LPAR3: variants seen among roughly 807,000 people sequenced by gnomAD.
The protein encoded by LPAR3 is lysophosphatidic acid receptor 3.
Under a neutral mutation model 17.8 loss-of-function variants are expected in LPAR3, and 7 were observed. The ratio of observed to expected loss-of-function variants is 0.39; its 90% confidence interval spans 0.22 to 0.74. The LOEUF (loss-of-function observed/expected upper bound fraction) is 0.74. Ranked by LOEUF, LPAR3 falls within the 30% of genes least tolerant of loss-of-function variation. LPAR3 has a pLI of 0.40. For missense variants in LPAR3, 391 were observed against 453.4 expected (o/e 0.86, Z 1.25); for synonymous variants, 179 against 179.9 (o/e 0.99, Z 0.04).
At chr1:84,836,739 C>T (rs1325607052) in intron 2 of LPAR3, among the ~76,000 whole-genome samples, 1 of 152,132 alleles carries the variant, frequency 6.6e-6, no homozygotes, top group Admixed American at 6.5e-5. Flanking sequence ...TTATTTCTGT[C>T]CTTTCTACTT....
At chr1:84,832,808 T>A (rs910644673) in intron 2 of LPAR3, among the ~76,000 whole-genome samples, 1 of 152,076 alleles carries the variant, frequency 6.6e-6, no homozygotes, top group Non-Finnish European at 1.5e-5. Context: ...AACAGAAGAG[T>A]GTGAGGCTCT....
chr1:84,888,801 A>G (rs1156581794), intron 1 of LPAR3, among the ~76,000 whole-genome samples: 1 of 152,196 alleles, frequency 6.6e-6, no homozygotes, highest in Non-Finnish European at 1.5e-5. Flanking sequence ...CAATCTGCAC[A>G]TGGGTGAGTC....
chr1:84,855,742 A>C (rs1390483103), intron 2 of LPAR3, among the ~76,000 whole-genome samples: 3 of 152,156 alleles, frequency 2.0e-5, no homozygotes, highest in African/African-American at 7.2e-5. Context: ...AAGAACACTG[A>C]TTTGGGAAAA....
intron 1 of LPAR3, among the ~76,000 whole-genome samples, chr1:84,887,724 C>G (rs1193795963): frequency 6.6e-6 from 1 of 152,112 alleles, no homozygotes; most frequent in Non-Finnish European, 1.5e-5. Context: ...CTGAAGGATT[C>G]CTGCCAAGAA....
rs1339688879 is a variant in LPAR3, at chr1:84,883,837, G to A, written c.-19+9179C>T. Among the ~76,000 whole-genome samples, 7 of 151,824 alleles carry A rather than the reference G, an allele frequency of 4.6e-5. No individual in the cohort carries two copies. The East Asian group carries it at 1.2e-3, about 25-fold the overall frequency. On this transcript the variant is annotated intron_variant, in intron 1 of 2. Transcript: ENST00000370611. ...ATTTGTTCTCCATAATGACATTAATGCCTTTTGCAAACATTTACTGAATCT... is the reference window on the plus strand; with the variant it reads ...ATTTGTTCTCCATAATGACATTAATACCTTTTGCAAACATTTACTGAATCT...
intron 2 of LPAR3, among the ~76,000 whole-genome samples, chr1:84,831,337 T>C (rs1329725908): frequency 1.3e-5 from 2 of 152,174 alleles, no homozygotes; most frequent in Non-Finnish European, 2.9e-5. Context: ...CACACCGTAG[T>C]CCTAGCTACT....
intron 2 of LPAR3, among the ~76,000 whole-genome samples, chr1:84,856,431 A>G (rs1159507987): frequency 6.6e-6 from 1 of 152,228 alleles, no homozygotes; most frequent in Non-Finnish European, 1.5e-5. Flanking sequence ...TTTGATTACT[A>G]AGGCATGCAG....
chr1:84,837,884 A>T (rs1659435125), intron 2 of LPAR3, among the ~76,000 whole-genome samples: 1 of 152,232 alleles, frequency 6.6e-6, no homozygotes, highest in Non-Finnish European at 1.5e-5. Context: ...TGGAGCTAGA[A>T]GAAAAATGAT....
intron 2 of LPAR3, among the ~76,000 whole-genome samples, chr1:84,862,099 G>C (rs907463409): frequency 2.0e-5 from 3 of 152,152 alleles, no homozygotes; most frequent in African/African-American, 7.2e-5. Flanking sequence ...AAGCAGGCGG[G>C]TAATTTCTCA....
chr1:84,879,217 T>G (rs932491489), intron 1 of LPAR3, among the ~76,000 whole-genome samples: 20 of 152,232 alleles, frequency 1.3e-4, no homozygotes, highest in African/African-American at 4.8e-4. Flanking sequence ...CCCTGTGACT[T>G]CTTTTGTAAT....
At chr1:84,815,814 C>CA (rs1156868901) in intron 2 of LPAR3, among the ~76,000 whole-genome samples, 4 of 152,130 alleles carry the variant, frequency 2.6e-5, no homozygotes, top group Admixed American at 2.0e-4. Flanking sequence ...TCTGTTTCCA[C>CA]AAAAAATATC....
chr1:84,865,819 C>T lies in LPAR3; in HGVS notation c.302G>A (p.Arg101His), dbSNP rs777871234. 2.2e-5 allele frequency: 35 copies of T among 1,613,986 alleles called. No homozygotes were observed. In the Admixed American group the frequency reaches 3.7e-4, roughly 17 times the overall value. ...GPVSKTLTVN[R>H]WFLRQGLLDS... ...CAGAAGCCCCTGACGGAGAAACCAG[C>T]GGTTGACAGTCAAAGTTTTTGAAAC... Residue 101 changes from arginine to histidine, a missense_variant, in exon 2 of 3, where the codon CGC (arginine) becomes CAC (histidine). Coordinates refer to ENST00000370611, the MANE Select transcript of LPAR3 (RefSeq NM_012152.3).
chr1:84,874,093 C>G (rs1310410263), intron 1 of LPAR3, among the ~76,000 whole-genome samples: 2 of 152,172 alleles, frequency 1.3e-5, no homozygotes, highest in Non-Finnish European at 2.9e-5. Context: ...TAAAATTGCT[C>G]TGATCTGGAT....
intron 1 of LPAR3, among the ~76,000 whole-genome samples, chr1:84,892,460 G>T (rs1009648301): frequency 1.3e-5 from 2 of 152,140 alleles, no homozygotes; most frequent in African/African-American, 4.8e-5. Flanking sequence ...GTGGTGGTGA[G>T]GGGGCATACC....
intron 2 of LPAR3, among the ~76,000 whole-genome samples, chr1:84,840,625 T>C (rs916190416): frequency 6.6e-6 from 1 of 152,164 alleles, no homozygotes; most frequent in African/African-American, 2.4e-5. Context: ...TCCTCAGATT[T>C]TGAGAATGTT....
intron 2 of LPAR3, among the ~76,000 whole-genome samples, 187 bp downstream of exon 2, chr1:84,865,197 AC>A (rs1228613867): frequency 1.3e-5 from 2 of 151,750 alleles, no homozygotes; most frequent in Non-Finnish European, 2.9e-5. Context: ...TAATTTGTTT[AC>A]CCCCATTAGA....
At chr1:84,886,138 T>C (rs774867789) in intron 1 of LPAR3, among the ~76,000 whole-genome samples, 8 of 152,222 alleles carry the variant, frequency 5.3e-5, no homozygotes, top group Admixed American at 2.0e-4. Flanking sequence ...TCAAGACTTA[T>C]TCATCCTACA....
chr1:84,814,479 G>A (rs1658894995), intron 2 of LPAR3, among the ~76,000 whole-genome samples: 1 of 152,160 alleles, frequency 6.6e-6, no homozygotes, highest in Admixed American at 6.5e-5. Flanking sequence ...CATGATCTCC[G>A]TTAGTTCTCT....
intron 2 of LPAR3, among the ~76,000 whole-genome samples, chr1:84,834,408 G>T (rs1212796256): frequency 6.6e-6 from 1 of 152,198 alleles, no homozygotes; most frequent in Non-Finnish European, 1.5e-5. Flanking sequence ...AACCAGGTTG[G>T]AGACGATAGC....
Sources: gnomAD v4.1 joint callset for allele counts (sites outside exome capture counted in the v4.1 genomes callset) on GRCh38, gnomAD v4.1.1 for gene constraint, MANE v1.5 for transcripts, NCBI Gene and HGNC (gene_info 2026-07-23, HGNC 2026-07-21) for gene names.